Variants in DEUP1 observed in about 807,000 individuals in gnomAD.
The protein encoded by DEUP1 is coiled-coil domain containing 67.
Under a neutral mutation model 87.4 loss-of-function variants are expected in DEUP1, and 82 were observed. The observed-to-expected ratio is 0.94, with a 90% CI of 0.78 to 1.13. The LOEUF is 1.13. Among genes scored for constraint, DEUP1 ranks in the 50% most tolerant of loss-of-function variants. The pLI is 0.00. For missense variants in DEUP1, 663 were observed against 681.5 expected (o/e 0.97, Z 0.30); for synonymous variants, 214 against 222.7 (o/e 0.96, Z 0.35).
chr11:93,370,915 C>T, intron 6 of DEUP1, 123 bp from the exon 7 acceptor site: 1 of 890,996 alleles, frequency 1.1e-6, no homozygotes, highest in Non-Finnish European at 1.7e-6. Flanking sequence ...AAAGACCCAA[C>T]TTTCATTATG....
chr11:93,336,295 C>A (rs924727363), intron 2 of DEUP1, among the ~76,000 whole-genome samples: 2 of 152,028 alleles, frequency 1.3e-5, no homozygotes, highest in Non-Finnish European at 2.9e-5. Flanking sequence ...ATCACAAGAA[C>A]AACAAGGGGG....
chr11:93,378,826 C>T (rs1157096153), intron 7 of DEUP1, among the ~76,000 whole-genome samples: 1 of 152,122 alleles, frequency 6.6e-6, no homozygotes, highest in African/African-American at 2.4e-5. Context: ...GCCCTCCTGG[C>T]ATGTTCCTAC....
chr11:93,400,281 A>G (rs1274871869), intron 11 of DEUP1, among the ~76,000 whole-genome samples: 1 of 152,172 alleles, frequency 6.6e-6, no homozygotes, highest in Non-Finnish European at 1.5e-5. Flanking sequence ...CAGCAGGGCT[A>G]TGCTCTCTCT....
chr11:93,390,495 C>A (rs1324263804), intron 9 of DEUP1, among the ~76,000 whole-genome samples: 2 of 152,142 alleles, frequency 1.3e-5, no homozygotes, highest in Non-Finnish European at 2.9e-5. Flanking sequence ...TATAATCCCA[C>A]AAAATTTATT....
intron 7 of DEUP1, chr11:93,383,417 A>G: frequency 4.4e-6 from 2 of 449,910 alleles, no homozygotes; most frequent in South Asian, 1.0e-4. Context: ...AGAATAGGCA[A>G]TTCCATAGAG....
chr11:93,408,539 T>G (rs966959095), intron 12 of DEUP1, 112 bp downstream of exon 12: 23 of 703,894 alleles, frequency 3.3e-5, no homozygotes, highest in Non-Finnish European at 5.0e-5. Context: ...GGTTTAAAAT[T>G]TATAATGATA....
intron 13 of DEUP1, among the ~76,000 whole-genome samples, chr11:93,427,542 T>C (rs1947961649): frequency 6.6e-6 from 1 of 151,708 alleles, no homozygotes; most frequent in Admixed American, 6.6e-5. Flanking sequence ...ACCTAGGCAA[T>C]ACCATTCAGG....
intron 11 of DEUP1, among the ~76,000 whole-genome samples, chr11:93,407,503 A>G (rs1309432802): frequency 6.6e-6 from 1 of 152,182 alleles, no homozygotes; most frequent in Non-Finnish European, 1.5e-5. Context: ...GTAGGCATAC[A>G]TTATAATTAT....
chr11:93,331,193 ACT>A (rs1416974772), intron 1 of DEUP1, among the ~76,000 whole-genome samples: 4 of 151,540 alleles, frequency 2.6e-5, no homozygotes, highest in African/African-American at 9.7e-5. Flanking sequence ...CTCTCTTAAA[ACT>A]CTTCGATTTG....
At chr11:93,398,442 G>A in intron 11 of DEUP1, among the ~76,000 whole-genome samples, 1 of 152,094 alleles carries the variant, frequency 6.6e-6, no homozygotes, top group East Asian at 1.9e-4. Context: ...CAAAGGATAT[G>A]TGTGTTTTAA....
At chr11:93,351,012 A>C (rs1944601945) in intron 2 of DEUP1, among the ~76,000 whole-genome samples, 1 of 148,142 alleles carries the variant, frequency 6.8e-6, no homozygotes, top group Non-Finnish European at 1.5e-5. Flanking sequence ...TTTCATATAA[A>C]AATGTATTTT....
At chr11:93,393,923 C>CTTA (rs1946852684) in intron 9 of DEUP1, among the ~76,000 whole-genome samples, 1 of 152,066 alleles carries the variant, frequency 6.6e-6, no homozygotes, top group Non-Finnish European at 1.5e-5. Flanking sequence ...AAATAAGAGG[C>CTTA]TTAAGTAAGG....
chr11:93,396,175 AT>A, intron 10 of DEUP1, 63 bp from the exon 11 acceptor site: 1 of 1,037,362 alleles, frequency 9.6e-7, no homozygotes, highest in Non-Finnish European at 1.4e-6. Flanking sequence ...ACAAGACAAA[AT>A]TTTAATAGAA....
intron 12 of DEUP1, among the ~76,000 whole-genome samples, chr11:93,409,554 T>G (rs1947377013): frequency 6.6e-6 from 1 of 152,166 alleles, no homozygotes; most frequent in Admixed American, 6.5e-5. Flanking sequence ...CCAGACATAT[T>G]TGATATCAAT....
At chr11:93,373,625 GTATATATA>G (rs1555048258) in intron 7 of DEUP1, among the ~76,000 whole-genome samples, 3 of 67,002 alleles carry the variant, frequency 4.5e-5, no homozygotes, top group Admixed American at 2.1e-4. Flanking sequence ...ATATATATAC[GTATATATA>G]TATATATATA....
At chr11:93,413,467 C>A (rs1014188512) in intron 12 of DEUP1, among the ~76,000 whole-genome samples, 9 of 152,288 alleles carry the variant, frequency 5.9e-5, no homozygotes, top group African/African-American at 2.2e-4. Context: ...TGGTCTCGAT[C>A]TCCTGACCTC....
intron 13 of DEUP1, among the ~76,000 whole-genome samples, chr11:93,419,650 A>G (rs1447795530): frequency 6.6e-6 from 1 of 152,098 alleles, no homozygotes; most frequent in African/African-American, 2.4e-5. Context: ...GGGCATTTTA[A>G]GGAGTAGTTT....
intron 2 of DEUP1, chr11:93,352,216 C>A (rs1944657912): frequency 3.4e-6 from 2 of 595,688 alleles, no homozygotes. Context: ...CCCAGCCACA[C>A]AAATACATTA....
chr11:93,435,224 G>T (rs1948209220), intron 13 of DEUP1, among the ~76,000 whole-genome samples: 1 of 152,132 alleles, frequency 6.6e-6, no homozygotes, highest in Non-Finnish European at 1.5e-5. Context: ...GCCACCAAGA[G>T]GCTGGCTGGT....
Sources: allele counts gnomAD v4.1 joint callset (sites outside exome capture counted in the v4.1 genomes callset), GRCh38; gene constraint gnomAD v4.1.1; transcripts MANE v1.5; gene names NCBI Gene and HGNC (gene_info 2026-07-23, HGNC 2026-07-21).